ZBTB7C: variants seen among roughly 807,000 people sequenced by gnomAD.
ZBTB7C encodes the protein zinc finger and BTB domain containing 7C.
In ZBTB7C, 8 loss-of-function variants were observed where a neutral mutation model predicts 25.7. That is an observed-to-expected ratio of 0.31 (90% confidence interval 0.18 to 0.56). ZBTB7C has a LOEUF of 0.56. ZBTB7C is among the 20% of genes least tolerant of loss of function. ZBTB7C has a pLI of 0.91. For synonymous variants in ZBTB7C, 394 were observed against 369.0 expected, an observed-to-expected ratio of 1.07 and a Z score of -0.78; for missense variants, 824 against 855.2, an observed-to-expected ratio of 0.96 and a Z score of 0.46.
intron 2 of ZBTB7C, among the ~76,000 whole-genome samples, chr18:48,190,668 C>T (rs1263808649): frequency 1.3e-5 from 2 of 152,158 alleles, no homozygotes; most frequent in Non-Finnish European, 2.9e-5. Context: ...GGATTTTATG[C>T]CTAGAATGAA....
chr18:48,156,876 G>T (rs8091173), intron 3 of ZBTB7C, among the ~76,000 whole-genome samples: 3,090 of 152,090 alleles, frequency 0.02, 114 homozygotes, highest in African/African-American at 0.071. Flanking sequence ...GGAGAGACCA[G>T]GATTGGGGAT....
chr18:48,083,836 A>G, intron 3 of ZBTB7C: 1 of 985,430 alleles, frequency 1.0e-6, no homozygotes, highest in Non-Finnish European at 1.2e-6. Flanking sequence ...TTAGCAACCC[A>G]TATTAGGAAC....
intron 1 of ZBTB7C, among the ~76,000 whole-genome samples, chr18:48,400,763 A>T (rs762062486): frequency 6.6e-6 from 1 of 152,222 alleles, no homozygotes; most frequent in African/African-American, 2.4e-5. Context: ...AATTTTACCT[A>T]CTTCTTTTTA....
chr18:48,050,490 A>G (rs2144240779), intron 3 of ZBTB7C, among the ~76,000 whole-genome samples: 1 of 152,288 alleles, frequency 6.6e-6, no homozygotes, highest in Non-Finnish European at 1.5e-5. Context: ...CGCAGTCCCC[A>G]GCTGAGCCTG....
intron 1 of ZBTB7C, among the ~76,000 whole-genome samples, chr18:48,342,389 A>G (rs540381405): frequency 1.3e-4 from 20 of 152,258 alleles, no homozygotes; most frequent in African/African-American, 4.8e-4. Context: ...GCCACAGGAG[A>G]CCCAGCCAGG....
chr18:48,091,256 T>TTTTTTTTC (rs2038404845), intron 3 of ZBTB7C, among the ~76,000 whole-genome samples: 1 of 144,798 alleles, frequency 6.9e-6, no homozygotes, highest in Non-Finnish European at 1.5e-5. Context: ...TTTTTTTTTT[T>TTTTTTTTC]TTTTTTTGGA....
chr18:48,268,322 T>A (rs748587117), intron 2 of ZBTB7C, among the ~76,000 whole-genome samples: 18 of 152,244 alleles, frequency 1.2e-4, no homozygotes, highest in Non-Finnish European at 2.5e-4. Flanking sequence ...ACAAATTTTA[T>A]GCAAGCTGTC....
intron 3 of ZBTB7C, among the ~76,000 whole-genome samples, chr18:48,174,580 A>G (rs2041607140): frequency 6.6e-6 from 1 of 152,262 alleles, no homozygotes; most frequent in African/African-American, 2.4e-5. Context: ...TGAAACACAC[A>G]TGCACAAGCA....
chr18:48,040,872 A>T lies in ZBTB7C; in HGVS notation c.236T>A (p.Phe79Tyr). 6.2e-7 allele frequency: 1 copy of T among 1,614,136 alleles called. No homozygotes were observed. Residue 79 changes from phenylalanine (F) to tyrosine (Y), a missense_variant, in exon 4 of 5, where the codon TTT becomes TAT. By Grantham distance (22) the Phe-to-Tyr change is conservative (BLOSUM62 3). Transcript: ENST00000590800. ...AGCAGCCAGAGCCTCAGGCTGGACA[A>T]AGTCGATCTCATAGACGTAGGGCTG... is the stretch of plus-strand genomic sequence containing the variant. ...ASQPYVYEID[F>Y]VQPEALAAIL...
At chr18:48,373,048 T>G (rs987868441) in intron 1 of ZBTB7C, among the ~76,000 whole-genome samples, 2 of 152,212 alleles carry the variant, frequency 1.3e-5, no homozygotes, top group African/African-American at 4.8e-5. Flanking sequence ...ACCCACTAAA[T>G]TGTGAACTCT....
chr18:48,130,245 A>G (rs1218468726), intron 3 of ZBTB7C, among the ~76,000 whole-genome samples: 1 of 152,234 alleles, frequency 6.6e-6, no homozygotes, highest in Non-Finnish European at 1.5e-5. Context: ...AGCTTTAGTC[A>G]CTTTGTCATT....
intron 1 of ZBTB7C, among the ~76,000 whole-genome samples, chr18:48,367,202 T>TATATATATATATATATATATATAC (rs1302394192): frequency 3.2e-5 from 2 of 63,394 alleles, no homozygotes; most frequent in African/African-American, 1.2e-4. Flanking sequence ...TATATATATA[T>TATATATATATATATATATATATAC]ACACACACAC....
chr18:48,070,521 G>A (rs1016598530), intron 3 of ZBTB7C, among the ~76,000 whole-genome samples: 1 of 152,208 alleles, frequency 6.6e-6, no homozygotes, highest in Non-Finnish European at 1.5e-5. Flanking sequence ...ACAAAGCTGG[G>A]AAGAGCTTGC....
chr18:48,172,182 G>T (rs1347505938), intron 3 of ZBTB7C, among the ~76,000 whole-genome samples: 1 of 152,236 alleles, frequency 6.6e-6, no homozygotes, highest in Non-Finnish European at 1.5e-5. Flanking sequence ...AGAGGTGGCA[G>T]TGGATTCGGC....
At chr18:48,308,762 G>A (rs1247047838) in intron 2 of ZBTB7C, among the ~76,000 whole-genome samples, 1 of 152,102 alleles carries the variant, frequency 6.6e-6, no homozygotes, top group Admixed American at 6.5e-5. Flanking sequence ...CTTAAATTAT[G>A]GTCTCAGGAC....
chr18:48,175,270 A>G (rs1315504643), intron 3 of ZBTB7C, among the ~76,000 whole-genome samples: 1 of 152,170 alleles, frequency 6.6e-6, no homozygotes, highest in Non-Finnish European at 1.5e-5. Context: ...GGATGAGAGG[A>G]AGGTTTGTTG....
At chr18:48,193,276 C>A (rs1215271977) in intron 2 of ZBTB7C, among the ~76,000 whole-genome samples, 1 of 152,122 alleles carries the variant, frequency 6.6e-6, no homozygotes, top group Non-Finnish European at 1.5e-5. Context: ...GAGAATACAC[C>A]CCGGGCCAGG....
At chr18:48,047,337 CCACACACA>C (rs61078960) in intron 3 of ZBTB7C, among the ~76,000 whole-genome samples, 1 of 150,238 alleles carries the variant, frequency 6.7e-6, no homozygotes, top group Non-Finnish European at 1.5e-5. Context: ...GAAAAAAATT[CCACACACA>C]CACACACACA....
At chr18:48,266,238 C>T (rs949699381) in intron 2 of ZBTB7C, among the ~76,000 whole-genome samples, 19 of 152,164 alleles carry the variant, frequency 1.2e-4, no homozygotes, top group African/African-American at 4.1e-4. Flanking sequence ...CCCAGGCCTC[C>T]GATCCCACAA....
Sources: allele counts gnomAD v4.1 joint callset (sites outside exome capture counted in the v4.1 genomes callset), GRCh38; gene constraint gnomAD v4.1.1; transcripts MANE v1.5; gene names NCBI Gene and HGNC (gene_info 2026-07-23, HGNC 2026-07-21).